MAP3K5: variants seen among roughly 807,000 people sequenced by gnomAD.
The protein encoded by MAP3K5 is ASK-1.
Under a neutral mutation model 158.7 loss-of-function variants are expected in MAP3K5, and 56 were observed. That is an observed-to-expected ratio of 0.35 (90% CI 0.28 to 0.44). MAP3K5 has a LOEUF of 0.44. MAP3K5 is among the 20% of genes least tolerant of loss of function. The pLI is 1.00. For synonymous variants in MAP3K5, 579 were observed against 601.7 expected (o/e 0.96, Z 0.55); for missense variants, 1,294 against 1,674.8 (o/e 0.77, Z 3.97).
At chr6:136,614,477 G>A (rs1776475714) in intron 15 of MAP3K5, among the ~76,000 whole-genome samples, 191 bp from the exon 16 acceptor site, 1 of 152,180 alleles carries the variant, frequency 6.6e-6, no homozygotes, top group Non-Finnish European at 1.5e-5. Flanking sequence ...GAGGGGAAAT[G>A]TGTCAGGTAC....
intron 1 of MAP3K5, among the ~76,000 whole-genome samples, chr6:136,722,116 A>C (rs1023529528): frequency 1.3e-5 from 2 of 152,178 alleles, no homozygotes; most frequent in Admixed American, 1.3e-4. Flanking sequence ...AATTATCTCT[A>C]TTTGCAGATG....
chr6:136,753,096 C>T (rs919792331), intron 1 of MAP3K5, among the ~76,000 whole-genome samples: 1 of 152,190 alleles, frequency 6.6e-6, no homozygotes, highest in Non-Finnish European at 1.5e-5. Context: ...CCAACAGGAA[C>T]CCACTATTAA....
chr6:136,759,260 T>C (rs981249774), intron 1 of MAP3K5, among the ~76,000 whole-genome samples: 1 of 151,826 alleles, frequency 6.6e-6, no homozygotes, highest in Non-Finnish European at 1.5e-5. Context: ...ATTGACTAAG[T>C]ATTATGTGCC....
intron 6 of MAP3K5, 55 bp downstream of exon 6, chr6:136,695,896 G>T: frequency 2.0e-6 from 2 of 1,004,724 alleles, no homozygotes; most frequent in Non-Finnish European, 3.1e-6. Flanking sequence ...GTAAAGAATT[G>T]CAGGTTACAC....
upstream of MAP3K5, among the ~76,000 whole-genome samples, chr6:136,792,690 A>C (rs1428140568): frequency 1.3e-5 from 2 of 152,178 alleles, no homozygotes; most frequent in Non-Finnish European, 2.9e-5. This position sits in a 1 kb window ranked among gnomAD's most constrained non-coding sequence, Gnocchi z 5.7. Context: ...GAACAGCAGC[A>C]GCGGCAGCCG....
intron 1 of MAP3K5, among the ~76,000 whole-genome samples, chr6:136,725,175 G>T (rs912701307): frequency 6.6e-6 from 1 of 152,204 alleles, no homozygotes; most frequent in South Asian, 2.1e-4. Flanking sequence ...TCATGTACAA[G>T]TCTTTATATA....
At chr6:136,744,072 C>G (rs1782827810) in intron 1 of MAP3K5, among the ~76,000 whole-genome samples, 1 of 152,122 alleles carries the variant, frequency 6.6e-6, no homozygotes, top group Admixed American at 6.6e-5. Flanking sequence ...GTACAATATA[C>G]TACTATAATT....
At chr6:136,776,845 G>C (rs527898053) in intron 1 of MAP3K5, among the ~76,000 whole-genome samples, 33 of 152,286 alleles carry the variant, frequency 2.2e-4, no homozygotes, top group African/African-American at 7.7e-4. Context: ...CTTACTTTTA[G>C]ACTTTGGAAA....
At chr6:136,774,375 G>T (rs1282098003) in intron 1 of MAP3K5, among the ~76,000 whole-genome samples, 5 of 152,150 alleles carry the variant, frequency 3.3e-5, no homozygotes. Flanking sequence ...GATCGCCTGA[G>T]CCCAAGGAGG....
chr6:136,776,520 T>C lies in MAP3K5; in HGVS notation c.448+15190A>G, dbSNP rs373223851. 7.2e-5 allele frequency among the ~76,000 whole-genome samples: 11 copies of C among 152,318 alleles called. No homozygotes were observed. In the South Asian group the frequency reaches 2.1e-3, roughly 29 times the overall value. ...TCTGCCTCCCAAAGTGCTGGGATTATAGGCATGAGCCACTGCACCTGGCTG... is the reference window on the plus strand; with the variant it reads ...TCTGCCTCCCAAAGTGCTGGGATTACAGGCATGAGCCACTGCACCTGGCTG... On this transcript the variant is annotated intron_variant, in intron 1 of 29. Transcript: ENST00000359015.
intron 2 of MAP3K5, among the ~76,000 whole-genome samples, chr6:136,718,862 G>C (rs963442276): frequency 1.2e-4 from 18 of 152,120 alleles, no homozygotes; most frequent in Non-Finnish European, 2.2e-4. Context: ...ACATAATAGG[G>C]CCTGCTTAAA....
intron 12 of MAP3K5, among the ~76,000 whole-genome samples, chr6:136,640,410 C>T (rs1368132951): frequency 6.6e-6 from 1 of 152,148 alleles, no homozygotes; most frequent in Non-Finnish European, 1.5e-5. Context: ...TTTGTCAATC[C>T]TTATTTTGTG....
At chr6:136,619,896 A>G (rs758335015) in intron 15 of MAP3K5, among the ~76,000 whole-genome samples, 9 of 152,244 alleles carry the variant, frequency 5.9e-5, no homozygotes, top group Non-Finnish European at 1.2e-4. Context: ...CCTGGAGGTT[A>G]GCCTGAGCAG....
chr6:136,578,075 T>A (rs1472136717), intron 25 of MAP3K5, among the ~76,000 whole-genome samples: 1 of 152,188 alleles, frequency 6.6e-6, no homozygotes, highest in Non-Finnish European at 1.5e-5. Context: ...GGCCCATACC[T>A]CTCCCTTTCA....
chr6:136,729,756 G>C (rs1474136870), intron 1 of MAP3K5, among the ~76,000 whole-genome samples: 4 of 152,218 alleles, frequency 2.6e-5, no homozygotes, highest in Non-Finnish European at 4.4e-5. Flanking sequence ...AGAATCTGTA[G>C]ATGGATGATA....
chr6:136,745,946 A>G (rs1782936763), intron 1 of MAP3K5, among the ~76,000 whole-genome samples: 1 of 152,098 alleles, frequency 6.6e-6, no homozygotes, highest in African/African-American at 2.4e-5. Context: ...TTAAACCCAG[A>G]TTGATTCTGC....
intron 1 of MAP3K5, among the ~76,000 whole-genome samples, chr6:136,789,675 CTTTTTTTTTTTT>C (rs57162918): frequency 2.5e-5 from 2 of 78,776 alleles, no homozygotes; most frequent in East Asian, 7.6e-4. Flanking sequence ...AGCACAACCT[CTTTTTTTTTTTT>C]TTTTTTTTTT....
intron 1 of MAP3K5, among the ~76,000 whole-genome samples, chr6:136,763,570 GA>G (rs1269866090): frequency 6.6e-6 from 1 of 152,202 alleles, no homozygotes; most frequent in Non-Finnish European, 1.5e-5. Context: ...TATTCTTGCT[GA>G]ATCTATTCAG....
At chr6:136,594,443 G>C (rs143479700) in intron 21 of MAP3K5, among the ~76,000 whole-genome samples, 84 of 152,244 alleles carry the variant, frequency 5.5e-4, no homozygotes, top group African/African-American at 1.9e-3. Flanking sequence ...ACGGACTTTA[G>C]AACAGAAAAA....
Sources: allele counts gnomAD v4.1 joint callset (sites outside exome capture counted in the v4.1 genomes callset), GRCh38; gene constraint gnomAD v4.1.1; non-coding constraint Gnocchi (gnomAD v3.1); transcripts MANE v1.5; gene names NCBI Gene and HGNC (gene_info 2026-07-23, HGNC 2026-07-21).